SLCO1B1: variants seen among roughly 807,000 people sequenced by gnomAD.
The protein encoded by SLCO1B1 is OATP-2.
A neutral mutation model predicts 70.1 loss-of-function variants in SLCO1B1; 81 were observed. The ratio of observed to expected loss-of-function variants is 1.16; its 90% CI spans 0.97 to 1.39. The LOEUF is 1.39. Among genes scored for constraint, SLCO1B1 ranks in the 40% most tolerant of loss-of-function variants. SLCO1B1 has a pLI of 0.00. For missense variants in SLCO1B1, 895 were observed against 799.6 expected, an observed-to-expected ratio of 1.12 and a Z score of -1.44; for synonymous variants, 283 against 271.5, an observed-to-expected ratio of 1.04 and a Z score of -0.42.
chr12:21,178,516 A>ACCT (rs1940849342), intron 5 of SLCO1B1, 60 bp from the exon 6 acceptor site: 22 of 1,228,540 alleles, frequency 1.8e-5, no homozygotes, highest in Non-Finnish European at 2.6e-5. Flanking sequence ...CAAGTAGTTA[A>ACCT]ATTTGTAATA....
chr12:21,148,507 G>C (rs1050404890), intron 2 of SLCO1B1, among the ~76,000 whole-genome samples: 4 of 152,208 alleles, frequency 2.6e-5, no homozygotes, highest in African/African-American at 7.2e-5. Flanking sequence ...ACTTGTCAAA[G>C]ATCGGATGGT....
rs544113003 is a variant in SLCO1B1, at chr12:21,180,859, AATTATTAC to A, written c.727+1846_727+1853del. 1.8e-3 allele frequency among the ~76,000 whole-genome samples: 278 copies of A among 152,310 alleles called. 1 individual carries two copies. The highest frequency in any genetic ancestry group is 6.4e-3 in the African/African-American group (264 of 41,562). The stretch of plus-strand genomic sequence containing the variant: ...TATTTTATAAGCTCTCTAAATAAGA[AATTATTAC>A]ATTATTTGAGAATTCATCACCATAC... On this transcript the variant is annotated intron_variant, in intron 7 of 14. Transcript: ENST00000256958.
Position 21,189,803 on chromosome 12 carries a change from G to A in SLCO1B1, c.728-7143G>A, listed in dbSNP as rs1941007754. 1.3e-5 allele frequency among the ~76,000 whole-genome samples: 2 copies of A among 152,116 alleles called. 1 individual carries two copies. The highest frequency in any genetic ancestry group is 4.1e-4 in the South Asian group (2 of 4,828). ...CTAATGTTTTGAAATACATATATAA[G>A]TGGAATAGTTAAATTTAGCTAATTA... is the stretch of plus-strand genomic sequence containing the variant. On this transcript the variant is annotated intron_variant, in intron 7 of 14. Transcript: ENST00000256958.
At chr12:21,180,983 C>T (rs1268512881) in intron 7 of SLCO1B1, among the ~76,000 whole-genome samples, 1 of 152,130 alleles carries the variant, frequency 6.6e-6, no homozygotes, top group Non-Finnish European at 1.5e-5. Flanking sequence ...CTTTGGCAAA[C>T]TCCAATGCCT....
intron 2 of SLCO1B1, among the ~76,000 whole-genome samples, chr12:21,147,045 T>G (rs939417373): frequency 5.3e-5 from 8 of 152,176 alleles, no homozygotes; most frequent in Non-Finnish European, 1.2e-4. Context: ...AGTGTATTCA[T>G]TTATTTCTCC....
rs548878561 is a variant in SLCO1B1 at position 21,227,602 on chromosome 12, A to G, written c.1865+2763A>G. 8.5e-4 allele frequency among the ~76,000 whole-genome samples: 129 copies of G among 152,300 alleles called. 1 individual carries two copies. Among genetic ancestry groups the G allele is most frequent in the Non-Finnish European group, 1.1e-3 (77 of 67,986 alleles). Reference sequence around the variant, plus strand: ...CACAAAATGGGAGAAAGAAATGAAAAGAAATTACAAATGAAAACTTCATAA... The same window carrying G: ...CACAAAATGGGAGAAAGAAATGAAAGGAAATTACAAATGAAAACTTCATAA... On this transcript the variant is annotated intron_variant, in intron 14 of 14. Transcript: ENST00000256958.
rs371766661 is a variant in SLCO1B1 at position 21,147,124 on chromosome 12, G to T, written c.84+5466G>T. Among the ~76,000 whole-genome samples the T allele has an allele frequency of 2.0e-5, 3 of 150,670 alleles. No homozygotes were observed. In the South Asian group the frequency reaches 6.3e-4, roughly 31 times the overall value. On this transcript the variant is annotated intron_variant, in intron 2 of 14. Coordinates refer to ENST00000256958, the MANE Select transcript of SLCO1B1 (RefSeq NM_006446.5). ...TTGTTTGGTGCCTCTATGTTAAGAAGTGTTATGTTTTCTTAAGAATTGACC... is the reference window on the plus strand; with the variant it reads ...TTGTTTGGTGCCTCTATGTTAAGAATTGTTATGTTTTCTTAAGAATTGACC...
chr12:21,199,404 T>C (rs958770655), intron 8 of SLCO1B1, among the ~76,000 whole-genome samples: 2 of 152,126 alleles, frequency 1.3e-5, no homozygotes, highest in African/African-American at 2.4e-5. Context: ...TGAACAGAAG[T>C]TAGAAGTTTG....
intron 2 of SLCO1B1, among the ~76,000 whole-genome samples, chr12:21,161,363 C>G (rs1359326962): frequency 6.6e-6 from 1 of 152,148 alleles, no homozygotes; most frequent in African/African-American, 2.4e-5. Flanking sequence ...TTTGTGGAAA[C>G]ATGGATGGAG....
chr12:21,231,619 CA>C (rs1941539319), intron 14 of SLCO1B1, among the ~76,000 whole-genome samples: 1 of 151,664 alleles, frequency 6.6e-6, no homozygotes, highest in South Asian at 2.1e-4. Context: ...AGAAAAAGCA[CA>C]AAGGTCTTGT....
At chr12:21,206,171 G>C (rs1941212988) in intron 11 of SLCO1B1, 138 bp downstream of exon 11, 1 of 701,154 alleles carries the variant, frequency 1.4e-6, no homozygotes, top group African/African-American at 1.8e-5. Context: ...CTGTTATTGT[G>C]ATGGGTGTGA....
At chr12:21,163,622 G>T (rs1345090123) in intron 2 of SLCO1B1, among the ~76,000 whole-genome samples, 1 of 152,052 alleles carries the variant, frequency 6.6e-6, no homozygotes, top group Non-Finnish European at 1.5e-5. Flanking sequence ...CCAAGATCAG[G>T]GTGCCAGTAT....
intron 11 of SLCO1B1, among the ~76,000 whole-genome samples, chr12:21,210,960 G>A (rs1488769687): frequency 6.6e-6 from 1 of 151,996 alleles, no homozygotes; most frequent in Non-Finnish European, 1.5e-5. Flanking sequence ...GAGATTTTGG[G>A]CTGAGACAAT....
chr12:21,214,406 G>T (rs983286921), intron 11 of SLCO1B1, among the ~76,000 whole-genome samples: 1 of 148,702 alleles, frequency 6.7e-6, no homozygotes, highest in South Asian at 2.1e-4. Context: ...ACTTGAGGAG[G>T]CAGTGTGCCC....
At chr12:21,138,531 C>T (rs187235732) in intron 1 of SLCO1B1, among the ~76,000 whole-genome samples, 208 of 152,206 alleles carry the variant, frequency 1.4e-3, no homozygotes, top group African/African-American at 4.5e-3. Flanking sequence ...TTTGTAGTAA[C>T]TTATTTAACA....
chr12:21,222,397 A>AAAAAAATAAATATATATAT (rs1555097342), intron 13 of SLCO1B1, 33 bp downstream of exon 13: 1 of 96,614 alleles, frequency 1.0e-5, no homozygotes, highest in Non-Finnish European at 1.7e-5. Flanking sequence ...AAAAAAAAAA[A>AAAAAAATAAATATATATAT]ATATATATAT....
chr12:21,190,988 G>T (rs1941023661), intron 7 of SLCO1B1, among the ~76,000 whole-genome samples: 1 of 151,520 alleles, frequency 6.6e-6, no homozygotes, highest in Non-Finnish European at 1.5e-5. Context: ...TCTCTGTTCT[G>T]TTCCATTGGT....
At position 21,230,750 on chromosome 12, in the gene SLCO1B1, G is replaced by C. The variant is rs553550789; in HGVS notation, c.1865+5911G>C. 5.9e-5 allele frequency among the ~76,000 whole-genome samples: 9 copies of C among 152,202 alleles called. No homozygotes were observed. In the South Asian group the frequency reaches 1.9e-3, roughly 32 times the overall value. Reference sequence around the variant, plus strand: ...GCTATCATCTGAAGAAGATTGTAATGATTTGGTATAATTTCTTACTTAAGT... The same window carrying C: ...GCTATCATCTGAAGAAGATTGTAATCATTTGGTATAATTTCTTACTTAAGT... On this transcript the variant is annotated intron_variant, in intron 14 of 14. Transcript: ENST00000256958.
chr12:21,233,571 CAAAA>C (rs60313934), intron 14 of SLCO1B1, among the ~76,000 whole-genome samples: 61 of 137,606 alleles, frequency 4.4e-4, no homozygotes, highest in Admixed American at 6.6e-4. Flanking sequence ...AACAAACAAA[CAAAA>C]AAAAAAAAAC....
Sources: allele counts gnomAD v4.1 joint callset (sites outside exome capture counted in the v4.1 genomes callset), GRCh38; gene constraint gnomAD v4.1.1; transcripts MANE v1.5; gene names NCBI Gene and HGNC (gene_info 2026-07-23, HGNC 2026-07-21).